Variants in WDPCP observed in about 807,000 individuals in gnomAD.
WDPCP encodes WD repeat containing planar cell polarity effector, also known as WD repeat-containing and planar cell polarity effector protein fritz homolog.
Under a neutral mutation model 93.1 loss-of-function variants are expected in WDPCP, and 71 were observed. The observed-to-expected ratio is 0.76, with a 90% CI of 0.63 to 0.93. The LOEUF is 0.93. Ranked by LOEUF, WDPCP falls within the 40% of genes least tolerant of loss-of-function variation. The probability of loss-of-function intolerance (pLI) is 0.00; values close to 1 mark genes in which losing one functional copy is unlikely to be tolerated. For synonymous variants in WDPCP, 315 were observed against 315.0 expected, an observed-to-expected ratio of 1.00 and a Z score of 0.00; for missense variants, 844 against 887.4, an observed-to-expected ratio of 0.95 and a Z score of 0.62.
At chr2:63,185,607 G>C (rs1447169327) in intron 14 of WDPCP, among the ~76,000 whole-genome samples, 1 of 152,112 alleles carries the variant, frequency 6.6e-6, no homozygotes, top group East Asian at 1.9e-4. Context: ...GTGAAGCCAG[G>C]GTTATAGGTC....
chr2:63,293,916 G>GA (rs1684636987), intron 13 of WDPCP, among the ~76,000 whole-genome samples: 1 of 152,124 alleles, frequency 6.6e-6, no homozygotes, highest in Non-Finnish European at 1.5e-5. Flanking sequence ...GCTCCAGAAG[G>GA]AAAAGAGAAA....
intron 17 of WDPCP, among the ~76,000 whole-genome samples, chr2:63,131,980 G>A (rs1373350473): frequency 2.0e-5 from 3 of 151,676 alleles, no homozygotes; most frequent in South Asian, 2.1e-4. Flanking sequence ...GATTACAGGC[G>A]TGTGCCACCA....
At chr2:63,188,670 T>G (rs1361646459) in intron 14 of WDPCP, among the ~76,000 whole-genome samples, 1 of 152,068 alleles carries the variant, frequency 6.6e-6, no homozygotes, top group Non-Finnish European at 1.5e-5. Flanking sequence ...TTTGTTGATA[T>G]TCTTATTTTG....
At chr2:63,316,841 T>G (rs1267098398) in intron 12 of WDPCP, among the ~76,000 whole-genome samples, 2 of 152,256 alleles carry the variant, frequency 1.3e-5, no homozygotes, top group Admixed American at 6.5e-5. Context: ...ATACACAGCT[T>G]TGGCAAAGTT....
chr2:63,139,141 G>T (rs1380487765), intron 17 of WDPCP, among the ~76,000 whole-genome samples: 2 of 144,338 alleles, frequency 1.4e-5, no homozygotes, highest in Admixed American at 7.3e-5. Context: ...ACATGTATGT[G>T]TGTGTATATG....
At chr2:63,226,457 T>A (rs1678297790) in intron 14 of WDPCP, among the ~76,000 whole-genome samples, 1 of 151,938 alleles carries the variant, frequency 6.6e-6, no homozygotes, top group South Asian at 2.1e-4. Context: ...TTCTTGAAAT[T>A]CCTGACCTGA....
chr2:63,703,708 T>C (rs1181688151), intron 2 of WDPCP, among the ~76,000 whole-genome samples: 1 of 152,144 alleles, frequency 6.6e-6, no homozygotes, highest in African/African-American at 2.4e-5. Context: ...TGTAGCCTTG[T>C]AGTATAGTTT....
intron 3 of WDPCP, among the ~76,000 whole-genome samples, chr2:63,647,330 G>A (rs962438944): frequency 3.9e-5 from 6 of 152,032 alleles, no homozygotes; most frequent in Admixed American, 6.6e-5. Context: ...TAGAGATGGG[G>A]TTCATCATTT....
chr2:63,295,026 G>A (rs1437494400), intron 13 of WDPCP, among the ~76,000 whole-genome samples: 1 of 152,146 alleles, frequency 6.6e-6, no homozygotes, highest in Non-Finnish European at 1.5e-5. Flanking sequence ...GTAGAGAAAG[G>A]CATGAAGGAG....
At chr2:63,347,498 A>G (rs1376069987) in intron 12 of WDPCP, among the ~76,000 whole-genome samples, 1 of 152,096 alleles carries the variant, frequency 6.6e-6, no homozygotes, top group Non-Finnish European at 1.5e-5. Context: ...TCTTGCTCCA[A>G]AACTCACACT....
At chr2:63,411,568 C>G (rs1170095839) in intron 9 of WDPCP, among the ~76,000 whole-genome samples, 1 of 151,938 alleles carries the variant, frequency 6.6e-6, no homozygotes, top group Non-Finnish European at 1.5e-5. Flanking sequence ...AACAAAAATA[C>G]AAAAGATAAA....
intron 15 of WDPCP, among the ~76,000 whole-genome samples, chr2:63,164,568 C>A (rs1489755421): frequency 6.6e-6 from 1 of 152,120 alleles, no homozygotes; most frequent in Non-Finnish European, 1.5e-5. Context: ...GAGGCCTCCC[C>A]AGAAACTGAG....
intron 2 of WDPCP, among the ~76,000 whole-genome samples, chr2:63,708,766 C>T (rs968604871): frequency 3.3e-5 from 5 of 152,016 alleles, no homozygotes; most frequent in African/African-American, 1.2e-4. Context: ...TTGGCTCCAC[C>T]CTCCTGGCTA....
At chr2:63,329,738 CT>C (rs1299912833) in intron 12 of WDPCP, among the ~76,000 whole-genome samples, 2 of 152,222 alleles carry the variant, frequency 1.3e-5, no homozygotes, top group East Asian at 3.9e-4. Context: ...AACATCTCTT[CT>C]TTTCCAGAAT....
At chr2:63,574,546 T>A (rs2106494322) in intron 1 of WDPCP, among the ~76,000 whole-genome samples, 1 of 152,324 alleles carries the variant, frequency 6.6e-6, no homozygotes, top group Middle Eastern at 3.4e-3. Context: ...ATTCATGCAT[T>A]TTATTTTAAG....
rs1421865895 is a variant in WDPCP at position 63,158,915 on chromosome 2, T to C, written c.2079-5341A>G. On this transcript the variant is annotated intron_variant, in intron 15 of 17. Coordinates refer to ENST00000272321, the MANE Select transcript of WDPCP (RefSeq NM_015910.7). ...ACTCTGGCAGGCTGAGGTGGTTGGA[T>C]CATTTGAGTTCAGGAGTTCGAGACC... 2.2e-5 allele frequency among the ~76,000 whole-genome samples: 3 copies of C among 139,388 alleles called. No homozygotes were observed. In the East Asian group the frequency reaches 6.3e-4, roughly 29 times the overall value. The allele number at this position is 139,388 out of a possible 152,430, so 91.4% of individuals were successfully genotyped here. A position where few individuals can be genotyped will look rare whatever the true frequency, so the allele number is the denominator to read the frequency against.
At chr2:63,351,069 C>G (rs1002326244) in intron 12 of WDPCP, among the ~76,000 whole-genome samples, 1 of 152,026 alleles carries the variant, frequency 6.6e-6, no homozygotes, top group African/African-American at 2.4e-5. Flanking sequence ...GCAACCTCCA[C>G]CTCCTGGGTT....
intron 2 of WDPCP, 95 bp from the exon 3 acceptor site, chr2:63,487,589 A>G: frequency 1.2e-6 from 1 of 866,466 alleles, no homozygotes; most frequent in Non-Finnish European, 1.9e-6. Context: ...ATAGGGAGAA[A>G]AGCAGAAACA....
At chr2:63,528,662 T>C (rs187971882) in intron 1 of WDPCP, among the ~76,000 whole-genome samples, 49 of 152,334 alleles carry the variant, frequency 3.2e-4, no homozygotes, top group African/African-American at 9.6e-5. Flanking sequence ...GCCTCCAGCT[T>C]TGTTCTTTTG....
Sources: gnomAD v4.1 joint callset for allele counts (sites outside exome capture counted in the v4.1 genomes callset) on GRCh38, gnomAD v4.1.1 for gene constraint, MANE v1.5 for transcripts, NCBI Gene and HGNC (gene_info 2026-07-23, HGNC 2026-07-21) for gene names.